Variants in ANKFN1 observed in about 807,000 individuals in gnomAD.
The protein encoded by ANKFN1 is ankyrin repeat and fibronectin type III domain containing 1, also known as ankyrin repeat and fibronectin type-III domain-containing protein 1.
Under a neutral mutation model 108.7 loss-of-function variants are expected in ANKFN1, and 74 were observed. That is an observed-to-expected ratio of 0.68 (90% confidence interval 0.56 to 0.83). ANKFN1 has a LOEUF of 0.83. Among genes scored for constraint, ANKFN1 ranks in the 40% least tolerant of loss-of-function variants. The probability of loss-of-function intolerance (pLI) is 0.00; values close to 1 mark genes in which losing one functional copy is unlikely to be tolerated. For synonymous variants in ANKFN1, 547 were observed against 516.2 expected (o/e 1.06, Z -0.81); for missense variants, 1,505 against 1,382.3 (o/e 1.09, Z -1.41).
At chr17:56,269,955 T>C (rs1013926670) in intron 3 of ANKFN1, among the ~76,000 whole-genome samples, 1 of 152,270 alleles carries the variant, frequency 6.6e-6, no homozygotes, top group Non-Finnish European at 1.5e-5. Flanking sequence ...CACATGTTTC[T>C]GATTCATTTA....
At chr17:56,330,809 A>T (rs2045642507) in intron 4 of ANKFN1, among the ~76,000 whole-genome samples, 1 of 152,220 alleles carries the variant, frequency 6.6e-6, no homozygotes, top group African/African-American at 2.4e-5. Flanking sequence ...TGAACTGTAG[A>T]ATCAATACTA....
At chr17:56,087,411 A>T (rs1598091977) in intron 4 of ANKFN1, among the ~76,000 whole-genome samples, 1 of 151,274 alleles carries the variant, frequency 6.6e-6, no homozygotes, top group Non-Finnish European at 1.5e-5. Flanking sequence ...TTTCAGAGAG[A>T]CTGTGGTTTC....
intron 4 of ANKFN1, among the ~76,000 whole-genome samples, chr17:56,081,962 C>T (rs1905251295): frequency 6.6e-6 from 1 of 152,192 alleles, no homozygotes; most frequent in African/African-American, 2.4e-5. Context: ...AGCTTCTGAT[C>T]ACCAATTTTA....
At chr17:56,178,701 G>A (rs1911402789) in intron 1 of ANKFN1, among the ~76,000 whole-genome samples, 1 of 151,904 alleles carries the variant, frequency 6.6e-6, no homozygotes, top group Non-Finnish European at 1.5e-5. Flanking sequence ...GGGGCATGAT[G>A]GTTTAGTTGA....
chr17:56,208,072 C>A (rs997960531), intron 1 of ANKFN1, among the ~76,000 whole-genome samples: 1 of 152,146 alleles, frequency 6.6e-6, no homozygotes, highest in Non-Finnish European at 1.5e-5. Flanking sequence ...TGCTGTGGAG[C>A]GATTTTGGCT....
At chr17:56,206,640 A>G (rs1914561752) in intron 1 of ANKFN1, 3 of 152,342 alleles carry the variant, frequency 2.0e-5, no homozygotes, top group Non-Finnish European at 1.5e-5. Flanking sequence ...TCAGTTTCGT[A>G]AGAATGCTGG....
At position 56,513,172 on chromosome 17, in the gene ANKFN1, G is replaced by A. The variant is rs1014826456; in HGVS notation, c.*1903G>A. On this transcript the variant is annotated 3_prime_UTR_variant, in exon 21 of 21. Coordinates refer to ENST00000682825, the MANE Select transcript of ANKFN1 (RefSeq NM_001370326.1). ...AGAATTATTCCCTTTATAGCAGGCC[G>A]TCCCATTGGGAATTGGTCCACACCT... Among the ~76,000 whole-genome samples the A allele has an allele frequency of 1.5e-4, 23 of 152,158 alleles. 1 individual carries two copies. Among genetic ancestry groups the A allele is most frequent in the African/African-American group, 3.9e-4 (16 of 41,438 alleles).
chr17:56,158,042 T>C (rs557129053), intron 1 of ANKFN1, among the ~76,000 whole-genome samples: 1 of 152,322 alleles, frequency 6.6e-6, no homozygotes, highest in East Asian at 1.9e-4. Context: ...ATCCGCCAGA[T>C]GCATCTGCCA....
chr17:56,051,737 C>A (rs1220972095), intron 4 of ANKFN1, among the ~76,000 whole-genome samples: 1 of 147,036 alleles, frequency 6.8e-6, no homozygotes, highest in Non-Finnish European at 1.5e-5. Context: ...GATACAAAAT[C>A]AATGTACAAA....
intron 3 of ANKFN1, among the ~76,000 whole-genome samples, chr17:56,236,781 G>A: frequency 6.6e-6 from 1 of 152,074 alleles, no homozygotes; most frequent in Non-Finnish European, 1.5e-5. Context: ...GGCAAAAACT[G>A]CAATTACTTT....
rs187436927 is a variant in ANKFN1, at chr17:56,059,021, C to T, written c.288+12696C>T. 2.6e-5 allele frequency among the ~76,000 whole-genome samples: 4 copies of T among 152,350 alleles called. No individual in the cohort carries two copies. The East Asian group carries it at 7.7e-4, about 29-fold the overall frequency. ...TGAGGAGTCACCATACTATCTTCCA[C>T]AATGGTTGAACTAATTTACATTCCC... On this transcript the variant is annotated intron_variant, in intron 4 of 12. Coordinates refer to the ANKFN1 transcript ENST00000635860.
intron 19 of ANKFN1, among the ~76,000 whole-genome samples, chr17:56,494,157 G>A (rs1452805814): frequency 6.6e-6 from 1 of 152,172 alleles, no homozygotes; most frequent in Non-Finnish European, 1.5e-5. Flanking sequence ...TACTTGCAAA[G>A]TGGAGAGCAG....
intron 1 of ANKFN1, among the ~76,000 whole-genome samples, chr17:56,196,833 T>G (rs1411170765): frequency 2.0e-5 from 3 of 152,210 alleles, no homozygotes; most frequent in Non-Finnish European, 4.4e-5. Flanking sequence ...TGATAGAATA[T>G]TAAGGACTTG....
chr17:56,249,479 T>C (rs2043189119), intron 3 of ANKFN1, among the ~76,000 whole-genome samples: 1 of 151,430 alleles, frequency 6.6e-6, no homozygotes, highest in African/African-American at 2.4e-5. Context: ...CATCTGCAAA[T>C]TCAAAGGAAA....
chr17:56,241,616 G>A (rs757482649), intron 3 of ANKFN1, among the ~76,000 whole-genome samples: 2 of 152,030 alleles, frequency 1.3e-5, no homozygotes, highest in Non-Finnish European at 2.9e-5. Flanking sequence ...CCTAGTGGAT[G>A]GTTGAAACTG....
At chr17:56,360,756 C>T (rs1653183240) in intron 6 of ANKFN1, among the ~76,000 whole-genome samples, 1 of 152,096 alleles carries the variant, frequency 6.6e-6, no homozygotes, top group Non-Finnish European at 1.5e-5. Flanking sequence ...GTTCATGTCA[C>T]CTATTCTTTG....
At position 56,450,716 on chromosome 17, in the gene ANKFN1, A is replaced by G. The variant is rs1384731357; in HGVS notation, c.1207+1530A>G. On this transcript the variant is annotated intron_variant, in intron 11 of 20. Transcript: ENST00000682825. Reference sequence around the variant, plus strand: ...TCCTGTGTGACAGCAAAGGTAACAAAGCAAGTGGACAGATGATTCTTGGAA... The same window carrying G: ...TCCTGTGTGACAGCAAAGGTAACAAGGCAAGTGGACAGATGATTCTTGGAA... 4.6e-5 allele frequency among the ~76,000 whole-genome samples: 7 copies of G among 152,332 alleles called. No individual in the cohort carries two copies. The East Asian group carries it at 1.4e-3, about 29-fold the overall frequency.
chr17:56,422,622 T>A (rs774336779), intron 8 of ANKFN1, among the ~76,000 whole-genome samples: 13 of 152,224 alleles, frequency 8.5e-5, no homozygotes, highest in Non-Finnish European at 1.8e-4. Context: ...AAGCGCAAGA[T>A]CCTCATTACT....
intron 8 of ANKFN1, among the ~76,000 whole-genome samples, chr17:56,408,677 C>T (rs1170342194): frequency 6.6e-6 from 1 of 152,096 alleles, no homozygotes; most frequent in African/African-American, 2.4e-5. Flanking sequence ...ATTATTTACA[C>T]CAGGCTAAAA....
Sources: gnomAD v4.1 joint callset for allele counts (sites outside exome capture counted in the v4.1 genomes callset) on GRCh38, gnomAD v4.1.1 for gene constraint, MANE v1.5 for transcripts, NCBI Gene and HGNC (gene_info 2026-07-23, HGNC 2026-07-21) for gene names.